Variants in WNT7B observed in about 807,000 individuals in gnomAD.
WNT7B encodes the protein Wnt family member 7B, also known as protein Wnt-7b.
Under a neutral mutation model 38.2 loss-of-function variants are expected in WNT7B, and 19 were observed. That is an observed-to-expected ratio of 0.50 (90% CI 0.35 to 0.73). The LOEUF is 0.73. WNT7B is among the 30% of genes least tolerant of loss of function. WNT7B has a pLI of 0.01. For missense variants in WNT7B, 423 were observed against 507.9 expected (o/e 0.83, Z 1.61); for synonymous variants, 243 against 209.3 (o/e 1.16, Z -1.39).
chr22:45,954,829 A>G, intron 1 of WNT7B: 2 of 887,286 alleles, frequency 2.3e-6, no homozygotes, highest in Non-Finnish European at 2.7e-6. Flanking sequence ...GGGACCTCAG[A>G]CCTCACCTAT....
chr22:45,932,110 G>A (rs2034490488), intron 2 of WNT7B, among the ~76,000 whole-genome samples: 1 of 152,186 alleles, frequency 6.6e-6, no homozygotes, highest in South Asian at 2.1e-4. Context: ...CCAGCCACCA[G>A]CTGGTTCCCT....
In WNT7B at chr22:45,951,653, C is replaced by T. The variant is rs188719263; in HGVS notation, c.72-1507G>A. ...GAACCATTCATTGTGTGACCTTTGG[C>T]GTCTGGCTTCTTTCACTTAGCGTCG... On this transcript the variant is annotated intron_variant, in intron 1 of 3. Transcript: ENST00000339464. This position sits in a 1 kb window ranked among gnomAD's most constrained non-coding sequence, Gnocchi z 4.8. 6.6e-5 allele frequency among the ~76,000 whole-genome samples: 10 copies of T among 152,276 alleles called. No homozygotes were observed. The East Asian group carries it at 1.2e-3, about 18-fold the overall frequency.
intron 1 of WNT7B, among the ~76,000 whole-genome samples, chr22:45,972,993 C>G (rs909746588): frequency 2.6e-5 from 4 of 152,248 alleles, no homozygotes; most frequent in African/African-American, 9.6e-5. Flanking sequence ...GGCTGTGGGT[C>G]GCACACAGGC....
At chr22:45,973,725 A>C in intron 1 of WNT7B, among the ~76,000 whole-genome samples, 1 of 152,290 alleles carries the variant, frequency 6.6e-6, no homozygotes, top group East Asian at 1.9e-4. Context: ...CAGGTTTTCA[A>C]ATTGCTCCAA....
chr22:45,972,165 C>A lies in WNT7B; in HGVS notation c.71+4519G>T, dbSNP rs975122893. On this transcript the variant is annotated intron_variant, in intron 1 of 3. Transcript: ENST00000339464. ...GCCCGCGGCACTCACAAGTAGCTGC[C>A]GCTGGACAGGAGGAGAAAGATCTGC... is the stretch of plus-strand genomic sequence containing the variant. The A allele has an allele frequency of 6.3e-6, 4 of 634,896 alleles. No individual in the cohort carries two copies. In the East Asian group the frequency reaches 1.0e-4, roughly 17 times the overall value. 39.3% of individuals were successfully genotyped at this position (634,896 alleles called of 1,614,324 possible). A position where few individuals can be genotyped will look rare whatever the true frequency, so the allele number is the denominator to read the frequency against.
intron 1 of WNT7B, among the ~76,000 whole-genome samples, chr22:45,968,535 C>T (rs900542961): frequency 2.0e-5 from 3 of 152,202 alleles, no homozygotes; most frequent in African/African-American, 7.2e-5. Flanking sequence ...CACGGGAAAC[C>T]ATGTTAGAAA....
At chr22:45,968,494 A>C (rs1860221803) in intron 1 of WNT7B, among the ~76,000 whole-genome samples, 1 of 152,234 alleles carries the variant, frequency 6.6e-6, no homozygotes, top group South Asian at 2.1e-4. Flanking sequence ...ATGAGGACCC[A>C]GATCTGAGTC....
chr22:45,927,678 C>A, intron 3 of WNT7B: 1 of 710,644 alleles, frequency 1.4e-6, no homozygotes, highest in Non-Finnish European at 2.6e-6. Context: ...GGCAGATCAC[C>A]TGAGGTTAGG....
intron 3 of WNT7B, among the ~76,000 whole-genome samples, chr22:45,928,904 T>TGCTATTCCCTCTGCCTG (rs1257240796): frequency 2.0e-4 from 31 of 152,024 alleles, no homozygotes; most frequent in Non-Finnish European, 1.3e-4. Flanking sequence ...CCTTTACCTG[T>TGCTATTCCCTCTGCCTG]GCTATTCCCT....
intron 2 of WNT7B, among the ~76,000 whole-genome samples, chr22:45,947,246 C>T (rs558748897): frequency 1.3e-3 from 194 of 152,318 alleles, no homozygotes; most frequent in African/African-American, 4.4e-3. Flanking sequence ...AGATTCCCGG[C>T]TAAGAAGTTC....
At position 45,922,068 on chromosome 22, in the gene WNT7B, G is replaced by A. The variant is rs1485515262; in HGVS notation, c.*788C>T. ...GAGCCACCGCGCCCAGCCATTGATAGGATTTTCAAAAGAAGGAAAGACGGC... is the reference window on the plus strand; with the variant it reads ...GAGCCACCGCGCCCAGCCATTGATAAGATTTTCAAAAGAAGGAAAGACGGC... On this transcript the variant is annotated 3_prime_UTR_variant, in exon 4 of 4. Transcript: ENST00000339464. The A allele has an allele frequency of 6.6e-6, 1 of 152,254 alleles. No homozygotes were observed. The highest frequency in any genetic ancestry group is 1.5e-5 in the Non-Finnish European group (1 of 68,076). The allele number at this position is 152,254 out of a possible 1,614,324, so 9.4% of individuals were successfully genotyped here. A position where few individuals can be genotyped will look rare whatever the true frequency, so the allele number is the denominator to read the frequency against.
At chr22:45,935,499 A>G (rs1328054112) in intron 2 of WNT7B, among the ~76,000 whole-genome samples, 1 of 151,558 alleles carries the variant, frequency 6.6e-6, no homozygotes, top group African/African-American at 2.4e-5. Context: ...ATACCTGCCC[A>G]CCCTCCCACA....
At chr22:45,927,277 G>A (rs773399866) in intron 3 of WNT7B, 120 of 985,258 alleles carry the variant, frequency 1.2e-4, no homozygotes, top group Non-Finnish European at 1.3e-4. Flanking sequence ...GGCACCCTGC[G>A]GCAGCCCATT....
At chr22:45,969,817 A>T (rs979268384) in intron 1 of WNT7B, among the ~76,000 whole-genome samples, 4 of 152,154 alleles carry the variant, frequency 2.6e-5, no homozygotes, top group Non-Finnish European at 4.4e-5. Context: ...AGTTCTCTGG[A>T]GCAGAATGAA....
Position 45,922,722 on chromosome 22 carries a change from C to CCTGCACCTGGAGCTCCCCGCTT in WNT7B, c.*112_*133dup, listed in dbSNP as rs1930962777. ...GGGCGTGGGCCCCGGCCGGTGCCCT[C>CCTGCACCTGGAGCTCCCCGCTT]CTGCACCTGGAGCTCCCCGCTTCTG... On this transcript the variant is annotated 3_prime_UTR_variant, in exon 4 of 4. Coordinates refer to ENST00000339464, the MANE Select transcript of WNT7B (RefSeq NM_058238.3). 2 of 1,414,594 alleles carry CCTGCACCTGGAGCTCCCCGCTT rather than the reference C, an allele frequency of 1.4e-6. No individual in the cohort carries two copies. The highest frequency in any genetic ancestry group is 5.0e-5 in the Admixed American group (2 of 39,974). 87.6% of individuals were successfully genotyped at this position (1,414,594 alleles called of 1,614,324 possible).
chr22:45,955,941 G>C (rs764439017), intron 1 of WNT7B, among the ~76,000 whole-genome samples: 8 of 152,184 alleles, frequency 5.3e-5, no homozygotes, highest in Non-Finnish European at 1.2e-4. Flanking sequence ...AGGAGGGGCT[G>C]CCGCCAGGTA....
intron 2 of WNT7B, among the ~76,000 whole-genome samples, chr22:45,938,483 A>C (rs1428584467): frequency 2.0e-5 from 3 of 152,042 alleles, no homozygotes; most frequent in Non-Finnish European, 4.4e-5. Context: ...CTACAAATAC[A>C]AAAATTAGCC....
At chr22:45,972,115 A>AGGG (rs1569127200) in intron 1 of WNT7B, 7 of 356,288 alleles carry the variant, frequency 2.0e-5, no homozygotes, top group East Asian at 9.2e-5. Context: ...GCCCGGGGGG[A>AGGG]GCCCACCCGC....
chr22:45,927,039 C>G, intron 3 of WNT7B: 1 of 985,452 alleles, frequency 1.0e-6, no homozygotes, highest in Non-Finnish European at 1.2e-6. Flanking sequence ...CCTCATGTCA[C>G]CAAGAGAGGT....
Sources: allele counts gnomAD v4.1 joint callset (sites outside exome capture counted in the v4.1 genomes callset), GRCh38; gene constraint gnomAD v4.1.1; non-coding constraint Gnocchi (gnomAD v3.1); transcripts MANE v1.5; gene names NCBI Gene and HGNC (gene_info 2026-07-23, HGNC 2026-07-21).